The following HEXB variants were observed in gnomAD, a reference collection of about 807,000 sequenced individuals.
HEXB encodes hexosaminidase subunit beta.
In HEXB, 51 loss-of-function variants were observed where a neutral mutation model predicts 71.2. The observed-to-expected ratio is 0.72, with a 90% CI of 0.57 to 0.90. The LOEUF is 0.90. Ranked by LOEUF, HEXB falls within the 40% of genes least tolerant of loss-of-function variation. The pLI is 0.00. For synonymous variants in HEXB, 266 were observed against 249.3 expected, an observed-to-expected ratio of 1.07 and a Z score of -0.63; for missense variants, 617 against 677.0, an observed-to-expected ratio of 0.91 and a Z score of 0.98.
At chr5:74,690,241 A>G (rs952374460) in intron 2 of HEXB, among the ~76,000 whole-genome samples, 1 of 152,162 alleles carries the variant, frequency 6.6e-6, no homozygotes, top group Non-Finnish European at 1.5e-5. Context: ...TGCCATTTCT[A>G]TAGGGTATAC....
At chr5:74,698,249 G>T (rs1016883339) in intron 5 of HEXB, among the ~76,000 whole-genome samples, 10 of 148,348 alleles carry the variant, frequency 6.7e-5, no homozygotes, top group Non-Finnish European at 1.5e-5. Flanking sequence ...AGCTAATTTT[G>T]CATTTTTAGT....
intron 1 of HEXB, among the ~76,000 whole-genome samples, chr5:74,679,597 T>G (rs1748700028): frequency 6.6e-6 from 1 of 151,890 alleles, no homozygotes; most frequent in Non-Finnish European, 1.5e-5. Context: ...GTCAGGAGTT[T>G]GAGACCAGCC....
At position 74,719,306 on chromosome 5, in the gene HEXB, C is replaced by T. The variant is rs530728159; in HGVS notation, c.1417+335C>T. On this transcript the variant is annotated intron_variant, in intron 11 of 13. Coordinates refer to ENST00000261416, the MANE Select transcript of HEXB (RefSeq NM_000521.4). ...AAGGTATTTGATTGCATTAACCTTACATGCCCTCTTCTGAACTGCTTCTCC... is the reference window on the plus strand; with the variant it reads ...AAGGTATTTGATTGCATTAACCTTATATGCCCTCTTCTGAACTGCTTCTCC... Among the ~76,000 whole-genome samples, 4 of 152,272 alleles carry T rather than the reference C, an allele frequency of 2.6e-5. No individual in the cohort carries two copies. The East Asian group carries it at 7.7e-4, about 29-fold the overall frequency.
chr5:74,687,114 G>A (rs561559393), intron 1 of HEXB, among the ~76,000 whole-genome samples: 2 of 152,346 alleles, frequency 1.3e-5, no homozygotes, highest in Non-Finnish European at 2.9e-5. Flanking sequence ...TGGCCTCTGA[G>A]TGAAGCAGCC....
chr5:74,663,501 T>C (rs1369059658), intron 1 of HEXB, among the ~76,000 whole-genome samples: 1 of 152,148 alleles, frequency 6.6e-6, no homozygotes, highest in Non-Finnish European at 1.5e-5. Flanking sequence ...AAAGATGACC[T>C]CTTTCTAATC....
intron 1 of HEXB, among the ~76,000 whole-genome samples, chr5:74,673,714 A>G (rs1221490426): frequency 1.3e-5 from 2 of 152,220 alleles, no homozygotes; most frequent in African/African-American, 2.4e-5. Context: ...GGCATGACGT[A>G]TCCCTTTGCT....
intron 1 of HEXB, among the ~76,000 whole-genome samples, chr5:74,648,418 A>C (rs1447636586): frequency 6.6e-6 from 1 of 152,246 alleles, no homozygotes; most frequent in Non-Finnish European, 1.5e-5. Context: ...AATAGTACCG[A>C]AGGACAAGAG....
At chr5:74,686,840 G>A (rs1395386679) in intron 1 of HEXB, among the ~76,000 whole-genome samples, 1 of 152,186 alleles carries the variant, frequency 6.6e-6, no homozygotes, top group African/African-American at 2.4e-5. Context: ...CATGACTAGG[G>A]TTGGAAATCT....
intron 1 of HEXB, among the ~76,000 whole-genome samples, chr5:74,672,333 G>A (rs1012523027): frequency 6.6e-6 from 1 of 152,198 alleles, no homozygotes; most frequent in Non-Finnish European, 1.5e-5. Flanking sequence ...ACTTGCCTCT[G>A]GAGGCTTCCA....
chr5:74,641,100 T>G lies in HEXB; in HGVS notation c.-377+542T>G, dbSNP rs1236373588. 6.6e-6 allele frequency: 1 copy of G among 151,756 alleles called. No homozygotes were observed. The highest frequency in any genetic ancestry group is 2.4e-5 in the African/African-American group (1 of 41,314). The allele number at this position is 151,756 out of a possible 1,614,324, so 9.4% of individuals were successfully genotyped here. A position where few individuals can be genotyped will look rare whatever the true frequency, so the allele number is the denominator to read the frequency against. The stretch of plus-strand genomic sequence containing the variant: ...AGCCCCGGATCTGAGGGACCCACCT[T>G]AGGGGAGCGCAGCCCGGGGCTGTGC... On this transcript the variant is annotated intron_variant, in intron 1 of 13. Transcript: ENST00000511181. The surrounding 1 kb of genome is among the most constrained non-coding windows in gnomAD (Gnocchi z 4.1).
chr5:74,696,641 C>A, intron 3 of HEXB, 52 bp from the exon 4 acceptor site: 3 of 942,172 alleles, frequency 3.2e-6, no homozygotes, highest in Non-Finnish European at 5.2e-6. Flanking sequence ...TAACTTTTAT[C>A]ATCTCAATTT....
At chr5:74,701,059 T>A (rs911658070) in intron 5 of HEXB, among the ~76,000 whole-genome samples, 2 of 152,008 alleles carry the variant, frequency 1.3e-5, no homozygotes, top group Non-Finnish European at 2.9e-5. Flanking sequence ...CATTTTTTTT[T>A]TTTTTAAGAG....
intron 6 of HEXB, chr5:74,705,605 T>C (rs1185260905): frequency 2.7e-6 from 1 of 376,970 alleles, no homozygotes; most frequent in Non-Finnish European, 4.9e-6. Context: ...AAATTACATA[T>C]GGTTAAGATA....
intron 8 of HEXB, among the ~76,000 whole-genome samples, chr5:74,716,329 C>A (rs1300923066): frequency 6.6e-6 from 1 of 152,134 alleles, no homozygotes; most frequent in Non-Finnish European, 1.5e-5. Context: ...TAAAAATTCT[C>A]TCTGCAAATA....
At chr5:74,692,990 T>G (rs145256409) in intron 2 of HEXB, among the ~76,000 whole-genome samples, 1 of 152,226 alleles carries the variant, frequency 6.6e-6, no homozygotes, top group Non-Finnish European at 1.5e-5. Context: ...ATGTGAACTT[T>G]TAATTGAGTG....
chr5:74,651,611 C>T (rs370382114), intron 1 of HEXB, among the ~76,000 whole-genome samples: 3 of 152,118 alleles, frequency 2.0e-5, no homozygotes, highest in South Asian at 2.1e-4. Flanking sequence ...AGGGACATCA[C>T]TTAAAGGAGG....
At chr5:74,684,319 C>A (rs760882518), upstream of HEXB, among the ~76,000 whole-genome samples, 51 of 152,344 alleles carry the variant, frequency 3.3e-4, no homozygotes, top group Non-Finnish European at 6.2e-4. Flanking sequence ...GTTATGAAAT[C>A]AAACTTGTCA....
chr5:74,678,302 A>G (rs1580373452), intron 1 of HEXB, among the ~76,000 whole-genome samples: 1 of 40,754 alleles, frequency 2.5e-5, no homozygotes, highest in Non-Finnish European at 7.8e-5. Flanking sequence ...CCATCTCATA[A>G]ATAAATAAAT....
chr5:74,656,972 G>A (rs574430245), intron 1 of HEXB, among the ~76,000 whole-genome samples: 1 of 152,140 alleles, frequency 6.6e-6, no homozygotes, highest in South Asian at 2.1e-4. Context: ...CTGCTGCTTC[G>A]TTGGCTGTGC....
Sources: gnomAD v4.1 joint callset for allele counts (sites outside exome capture counted in the v4.1 genomes callset) on GRCh38, gnomAD v4.1.1 for gene constraint, Gnocchi (gnomAD v3.1) non-coding constraint, MANE v1.5 for transcripts, NCBI Gene and HGNC (gene_info 2026-07-23, HGNC 2026-07-21) for gene names.